Variants in ENAH observed in about 807,000 individuals in gnomAD.
The protein encoded by ENAH is protein enabled homolog.
Under a neutral mutation model 78.7 loss-of-function variants are expected in ENAH, and 23 were observed. The observed-to-expected ratio is 0.29, with a 90% CI of 0.21 to 0.41. The LOEUF (loss-of-function observed/expected upper bound fraction) is 0.41. Among genes scored for constraint, ENAH ranks in the 10% least tolerant of loss-of-function variants. ENAH has a pLI of 1.00. For missense variants in ENAH, 544 were observed against 691.0 expected (o/e 0.79, Z 2.39); for synonymous variants, 226 against 241.0 (o/e 0.94, Z 0.58).
In ENAH at chr1:225,561,687, T is replaced by C. The variant is rs115833797; in HGVS notation, c.171+5562A>G. Among the ~76,000 whole-genome samples the C allele has an allele frequency of 8.0e-3, 867 of 108,676 alleles. 9 individuals carry two copies. Among genetic ancestry groups the C allele is most frequent in the African/African-American group, 0.026 (835 of 31,694 alleles). The allele number at this position is 108,676 out of a possible 152,430, so 71.3% of individuals were successfully genotyped here. On this transcript the variant is annotated intron_variant, in intron 2 of 13. Coordinates refer to ENST00000366843, the MANE Select transcript of ENAH (RefSeq NM_018212.6). ...AGTATGTTCACTTAATAACTACTTA[T>C]TGGATGTCCACTGAGCATGCTGTCA...
chr1:225,498,443 A>T, intron 12 of ENAH, 39 bp from the exon 13 acceptor site: 1 of 1,247,508 alleles, frequency 8.0e-7, no homozygotes, highest in Non-Finnish European at 1.2e-6. Flanking sequence ...TACAGAACAA[A>T]ATTACCACTA....
intron 1 of ENAH, among the ~76,000 whole-genome samples, chr1:225,605,468 T>C (rs987260266): frequency 2.0e-5 from 3 of 152,228 alleles, no homozygotes; most frequent in Non-Finnish European, 2.9e-5. Context: ...AGGGAACTAT[T>C]AAGAGGCAAG....
chr1:225,553,395 A>C (rs1452198084), intron 3 of ENAH, among the ~76,000 whole-genome samples: 1 of 152,212 alleles, frequency 6.6e-6, no homozygotes, highest in Non-Finnish European at 1.5e-5. Context: ...TTAGTTTCCA[A>C]TATAAGTTCC....
chr1:225,527,407 C>T (rs868085252), intron 4 of ENAH, among the ~76,000 whole-genome samples: 1 of 152,210 alleles, frequency 6.6e-6, no homozygotes, highest in African/African-American at 2.4e-5. Context: ...AAACTTCACA[C>T]TAGACTGTGC....
chr1:225,521,611 A>C (rs547427253), intron 4 of ENAH, among the ~76,000 whole-genome samples: 71 of 150,686 alleles, frequency 4.7e-4, no homozygotes, highest in African/African-American at 1.5e-3. Flanking sequence ...CCTGTACCCC[A>C]GCCTGGGTGA....
intron 2 of ENAH, among the ~76,000 whole-genome samples, chr1:225,555,313 G>A (rs542741772): frequency 1.3e-5 from 2 of 152,308 alleles, no homozygotes; most frequent in Admixed American, 1.3e-4. Context: ...GGGCACGGTG[G>A]CTCACGCCTG....
chr1:225,615,579 A>G (rs954541959), intron 1 of ENAH, among the ~76,000 whole-genome samples: 4 of 151,438 alleles, frequency 2.6e-5, no homozygotes, highest in African/African-American at 9.7e-5. Context: ...CCCGGCTGCC[A>G]GCCCGTCTGG....
At chr1:225,632,357 G>A (rs898065282) in intron 1 of ENAH, among the ~76,000 whole-genome samples, 1 of 152,116 alleles carries the variant, frequency 6.6e-6, no homozygotes, top group Non-Finnish European at 1.5e-5. Flanking sequence ...AATTAGTTGG[G>A]CATAGTGGCA....
chr1:225,549,288 C>A (rs2096630371), intron 3 of ENAH, among the ~76,000 whole-genome samples: 1 of 152,144 alleles, frequency 6.6e-6, no homozygotes, highest in Admixed American at 6.5e-5. Flanking sequence ...TTCATGAAAG[C>A]ATTAATAAAG....
In ENAH at chr1:225,494,064, C is replaced by CTAAAA. The variant is rs2096236901; in HGVS notation, c.*3710_*3711insTTTTA. 1 of 73,160 alleles carries CTAAAA rather than the reference C, an allele frequency of 1.4e-5. No homozygotes were observed. Among genetic ancestry groups the CTAAAA allele is most frequent in the Admixed American group, 2.0e-4 (1 of 4,958 alleles). The allele number at this position is 73,160 out of a possible 1,614,324, so 4.5% of individuals were successfully genotyped here. A position where few individuals can be genotyped will look rare whatever the true frequency, so the allele number is the denominator to read the frequency against. On this transcript the variant is annotated 3_prime_UTR_variant, in exon 14 of 14. Transcript: ENST00000366843. The stretch of plus-strand genomic sequence containing the variant: ...AGCAAGAACATGAGACAGGCTAGAG[C>CTAAAA]AAAAAAAAAAAAAAAAAAACAGCTG...
intron 10 of ENAH, among the ~76,000 whole-genome samples, chr1:225,510,943 C>A (rs2096372197): frequency 6.6e-6 from 1 of 151,796 alleles, no homozygotes; most frequent in African/African-American, 2.4e-5. Flanking sequence ...ATCACTTGAG[C>A]CCAGGAGGTG....
chr1:225,570,023 T>C (rs554108720), intron 1 of ENAH, among the ~76,000 whole-genome samples: 2 of 152,108 alleles, frequency 1.3e-5, no homozygotes, highest in South Asian at 2.1e-4. Context: ...CTGGCCAACA[T>C]GGGGAAACCC....
At chr1:225,598,678 G>A (rs1395463222) in intron 1 of ENAH, among the ~76,000 whole-genome samples, 1 of 151,234 alleles carries the variant, frequency 6.6e-6, no homozygotes, top group African/African-American at 2.4e-5. Context: ...GGACAAAAAG[G>A]GATGGAAAAA....
intron 11 of ENAH, chr1:225,504,917 G>T: frequency 9.1e-7 from 1 of 1,101,458 alleles, no homozygotes; most frequent in Non-Finnish European, 1.3e-6. Context: ...ACCAATCCAG[G>T]TAGAAAAAGC....
intron 1 of ENAH, among the ~76,000 whole-genome samples, chr1:225,592,666 A>G (rs1028132111): frequency 6.6e-6 from 1 of 152,258 alleles, no homozygotes; most frequent in African/African-American, 2.4e-5. Context: ...TAAAACATAA[A>G]TGAATATAAC....
intron 1 of ENAH, among the ~76,000 whole-genome samples, chr1:225,641,202 G>A (rs1175354420): frequency 6.6e-6 from 1 of 151,514 alleles, no homozygotes; most frequent in African/African-American, 2.4e-5. Context: ...TTAAGACAAA[G>A]AAAAATGAGA....
chr1:225,576,167 C>T (rs1230709800), intron 1 of ENAH, among the ~76,000 whole-genome samples: 1 of 151,058 alleles, frequency 6.6e-6, no homozygotes, highest in Non-Finnish European at 1.5e-5. Flanking sequence ...GTCTTAAGTA[C>T]TTGGGAGGCT....
chr1:225,614,482 G>A (rs2097013042), intron 1 of ENAH, among the ~76,000 whole-genome samples: 1 of 152,204 alleles, frequency 6.6e-6, no homozygotes, highest in Non-Finnish European at 1.5e-5. Flanking sequence ...CCCAATCGCT[G>A]CACTTGGATG....
intron 11 of ENAH, among the ~76,000 whole-genome samples, chr1:225,505,295 G>A (rs2096317702): frequency 6.6e-6 from 1 of 152,062 alleles, no homozygotes; most frequent in Non-Finnish European, 1.5e-5. Context: ...ATAGGTTGTA[G>A]GCACAGTAAG....
Sources: gnomAD v4.1 joint callset for allele counts (sites outside exome capture counted in the v4.1 genomes callset) on GRCh38, gnomAD v4.1.1 for gene constraint, MANE v1.5 for transcripts, NCBI Gene and HGNC (gene_info 2026-07-23, HGNC 2026-07-21) for gene names.